Variants in PTPN11 observed in about 807,000 individuals in gnomAD.
PTPN11 encodes the protein protein tyrosine phosphatase non-receptor type 11.
Under a neutral mutation model 78.8 loss-of-function variants are expected in PTPN11, and 6 were observed. That is an observed-to-expected ratio of 0.08 (90% CI 0.04 to 0.15). The LOEUF is 0.15. PTPN11 is among the 10% of genes least tolerant of loss of function. The pLI, the probability that PTPN11 is intolerant of heterozygous loss-of-function variation, is 1.00. For synonymous variants in PTPN11, 221 were observed against 263.5 expected (o/e 0.84, Z 1.56); for missense variants, 386 against 744.8 (o/e 0.52, Z 5.61).
intron 1 of PTPN11, among the ~76,000 whole-genome samples, chr12:112,437,130 C>T (rs2037805161): frequency 6.6e-6 from 1 of 151,874 alleles, no homozygotes; most frequent in Non-Finnish European, 1.5e-5. Context: ...TGCATTGTTT[C>T]ATCTTTTACG....
intron 1 of PTPN11, among the ~76,000 whole-genome samples, chr12:112,419,549 C>T (rs1427319169): frequency 6.6e-6 from 1 of 152,182 alleles, no homozygotes; most frequent in African/African-American, 2.4e-5. Flanking sequence ...CGGGGCCGGG[C>T]CCCCAGTGGT....
chr12:112,476,868 C>T (rs2038512757), intron 7 of PTPN11, among the ~76,000 whole-genome samples: 2 of 152,274 alleles, frequency 1.3e-5, no homozygotes, highest in South Asian at 4.1e-4. Flanking sequence ...CCCACATGTA[C>T]CCATCACCCA....
intron 9 of PTPN11, among the ~76,000 whole-genome samples, chr12:112,481,588 G>A (rs2038596757): frequency 6.6e-6 from 1 of 152,040 alleles, no homozygotes; most frequent in South Asian, 2.1e-4. Context: ...TGCCTCCCAG[G>A]TTCAAATAAT....
chr12:112,448,584 A>T (rs2038028612), intron 2 of PTPN11, among the ~76,000 whole-genome samples: 1 of 152,142 alleles, frequency 6.6e-6, no homozygotes, highest in African/African-American at 2.4e-5. Context: ...ATTTTTACAC[A>T]TCAAGTAGAA....
At chr12:112,419,839 A>C (rs2135819190) in intron 1 of PTPN11, among the ~76,000 whole-genome samples, 1 of 152,316 alleles carries the variant, frequency 6.6e-6, no homozygotes, top group Non-Finnish European at 1.5e-5. Flanking sequence ...TGGATGAGGA[A>C]ACCGAGGCCC....
At chr12:112,480,511 G>A (rs767840930) in intron 9 of PTPN11, among the ~76,000 whole-genome samples, 5 of 151,622 alleles carry the variant, frequency 3.3e-5, no homozygotes, top group East Asian at 2.0e-4. Context: ...GATTACAGGC[G>A]TGTGCCACTA....
intron 1 of PTPN11, among the ~76,000 whole-genome samples, chr12:112,439,791 A>AC (rs200945931): frequency 0.04 from 5,999 of 150,554 alleles, 266 homozygotes; most frequent in African/African-American, 0.11. Context: ...TTTTAAAAAA[A>AC]AAAACAAAAA....
At chr12:112,465,270 A>G (rs1329601602) in intron 6 of PTPN11, among the ~76,000 whole-genome samples, 1 of 151,954 alleles carries the variant, frequency 6.6e-6, no homozygotes, top group Middle Eastern at 3.2e-3. Flanking sequence ...TGTTTCTAGT[A>G]AAAAATACAA....
intron 1 of PTPN11, among the ~76,000 whole-genome samples, chr12:112,421,759 T>C (rs554188553): frequency 6.6e-6 from 1 of 152,146 alleles, no homozygotes; most frequent in Non-Finnish European, 1.5e-5. Flanking sequence ...TTCCGGTTAC[T>C]GGGGCTACAG....
At chr12:112,502,696 G>A (rs1249702256) in intron 14 of PTPN11, among the ~76,000 whole-genome samples, 2 of 152,112 alleles carry the variant, frequency 1.3e-5, no homozygotes, top group Non-Finnish European at 2.9e-5. Context: ...GCAGTGAGCC[G>A]AGATCATGCC....
intron 9 of PTPN11, among the ~76,000 whole-genome samples, chr12:112,481,856 C>G (rs1476490756): frequency 6.6e-6 from 1 of 152,016 alleles, no homozygotes; most frequent in African/African-American, 2.4e-5. Flanking sequence ...GGTAACTGCA[C>G]CAGCTGCCTT....
intron 14 of PTPN11, among the ~76,000 whole-genome samples, chr12:112,502,725 C>T (rs987404086): frequency 8.5e-5 from 13 of 152,082 alleles, no homozygotes; most frequent in Non-Finnish European, 1.0e-4. Flanking sequence ...CCAGCCTGGG[C>T]GATAGAGTGA....
intron 13 of PTPN11, among the ~76,000 whole-genome samples, chr12:112,494,729 A>T (rs990090025): frequency 6.6e-6 from 1 of 152,186 alleles, no homozygotes; most frequent in African/African-American, 2.4e-5. Flanking sequence ...TAATTAGCTG[A>T]TCAATTACTG....
At chr12:112,453,154 A>G (rs372517266) in intron 3 of PTPN11, 41 bp from the exon 4 acceptor site, 1 of 1,543,378 alleles carries the variant, frequency 6.5e-7, no homozygotes, top group Admixed American at 1.7e-5. Flanking sequence ...ACATGAACCC[A>G]TAGTAGAGCT....
At chr12:112,486,762 C>T in intron 11 of PTPN11, 133 bp downstream of exon 11, 1 of 1,518,692 alleles carries the variant, frequency 6.6e-7, no homozygotes, top group South Asian at 1.2e-5. Flanking sequence ...CATAGAGCAA[C>T]TGCATTGAGG....
At chr12:112,449,390 C>T (rs1256951342) in intron 2 of PTPN11, among the ~76,000 whole-genome samples, 5 of 151,508 alleles carry the variant, frequency 3.3e-5, no homozygotes, top group African/African-American at 7.2e-5. Context: ...GCCTGTAGTC[C>T]CAGCTACTTG....
chr12:112,487,206 C>T (rs890551750), intron 11 of PTPN11, among the ~76,000 whole-genome samples: 6 of 151,560 alleles, frequency 4.0e-5, no homozygotes, highest in African/African-American at 9.7e-5. Flanking sequence ...GCCATCTTGG[C>T]TCACTGCAAC....
chr12:112,431,285 A>G (rs2037708222), intron 1 of PTPN11, among the ~76,000 whole-genome samples: 1 of 152,066 alleles, frequency 6.6e-6, no homozygotes, highest in Non-Finnish European at 1.5e-5. Context: ...ACATGTTCCT[A>G]CTCGGGATGC....
chr12:112,489,291 G>A, intron 13 of PTPN11, 116 bp downstream of exon 13: 1 of 1,252,754 alleles, frequency 8.0e-7, no homozygotes, highest in Non-Finnish European at 1.2e-6. Flanking sequence ...TTTCGGAATG[G>A]GAAACAAACT....
Sources: gnomAD v4.1 joint callset for allele counts (sites outside exome capture counted in the v4.1 genomes callset) on GRCh38, gnomAD v4.1.1 for gene constraint, MANE v1.5 for transcripts, NCBI Gene and HGNC (gene_info 2026-07-23, HGNC 2026-07-21) for gene names.